The following HYCC2 variants were observed in gnomAD, a reference collection of about 807,000 sequenced individuals.
HYCC2 encodes hyccin 2.
the HYCC2 span, among the ~76,000 whole-genome samples, chr2:201,060,158 T>TGC: frequency 6.6e-6 from 1 of 152,028 alleles, no homozygotes; most frequent in Non-Finnish European, 1.5e-5. Context: ...TAGTACATAG[T>TGC]TAGCACTTAA....
chr2:201,002,529 C>CT, the HYCC2 span, among the ~76,000 whole-genome samples: 1,223 of 142,344 alleles, frequency 8.6e-3, 14 homozygotes, highest in African/African-American at 0.024. Context: ...AGCAGAGATT[C>CT]TTTTTTTTTT....
chr2:200,992,808 G>T, the HYCC2 span: 1 of 884,488 alleles, frequency 1.1e-6, no homozygotes. Context: ...GTATTGTGTC[G>T]GATAAGGAAG....
At chr2:200,992,879 C>G in the HYCC2 span, 1 of 1,492,502 alleles carries the variant, frequency 6.7e-7, no homozygotes, top group South Asian at 1.2e-5. Flanking sequence ...TATATTCCAC[C>G]TACTTACATG....
the HYCC2 span, among the ~76,000 whole-genome samples, chr2:201,055,368 G>A: frequency 6.8e-6 from 1 of 146,846 alleles, no homozygotes; most frequent in East Asian, 2.0e-4. Context: ...GGCAACAAGA[G>A]CGAAATTCCA....
the HYCC2 span, among the ~76,000 whole-genome samples, chr2:200,983,839 T>A: frequency 6.6e-6 from 1 of 152,132 alleles, no homozygotes; most frequent in Non-Finnish European, 1.5e-5. Context: ...TAGTGCTAGC[T>A]TCTGAATCTT....
At chr2:201,042,671 C>T in the HYCC2 span, among the ~76,000 whole-genome samples, 2 of 150,900 alleles carry the variant, frequency 1.3e-5, no homozygotes, top group South Asian at 2.1e-4. Flanking sequence ...GGAGCGTCTC[C>T]GCCCGGCAGC....
the HYCC2 span, among the ~76,000 whole-genome samples, chr2:201,003,214 C>T: frequency 6.6e-6 from 1 of 152,174 alleles, no homozygotes; most frequent in African/African-American, 2.4e-5. Flanking sequence ...AGGCATGTAT[C>T]ACCACACTCA....
chr2:200,993,143 G>A, the HYCC2 span: 1 of 602,844 alleles, frequency 1.7e-6, no homozygotes, highest in Non-Finnish European at 2.9e-6. Context: ...ATCGTTCTGG[G>A]CCTAGGCATA....
At chr2:201,015,751 A>G in the HYCC2 span, among the ~76,000 whole-genome samples, 1 of 152,134 alleles carries the variant, frequency 6.6e-6, no homozygotes, top group Non-Finnish European at 1.5e-5. Context: ...TTGCATATAT[A>G]CTCTGTGCTT....
chr2:201,014,859 A>G, the HYCC2 span, among the ~76,000 whole-genome samples: 1 of 152,218 alleles, frequency 6.6e-6, no homozygotes, highest in East Asian at 1.9e-4. Context: ...AGAAATTTCA[A>G]TACCAATGGT....
chr2:201,063,003 TC>T, the HYCC2 span: 1 of 1,468,436 alleles, frequency 6.8e-7, no homozygotes, highest in Non-Finnish European at 9.4e-7. Context: ...TTATTATGCA[TC>T]AAGTACTATA....
chr2:201,055,824 G>A, the HYCC2 span, among the ~76,000 whole-genome samples: 52 of 152,272 alleles, frequency 3.4e-4, no homozygotes, highest in East Asian at 9.6e-3. Flanking sequence ...TACTCGGGTG[G>A]CTGATGTGGG....
the HYCC2 span, chr2:200,987,477 T>C: frequency 2.3e-6 from 3 of 1,289,714 alleles, no homozygotes; most frequent in African/African-American, 1.5e-5. Context: ...TGGAGCCGTG[T>C]TGGATCGGGG....
chr2:201,049,512 G>T, the HYCC2 span, among the ~76,000 whole-genome samples: 1 of 142,904 alleles, frequency 7.0e-6, no homozygotes, highest in Non-Finnish European at 1.5e-5. Context: ...CACCACCCCG[G>T]TTTTTTTTTT....
At chr2:201,060,913 T>C in the HYCC2 span, among the ~76,000 whole-genome samples, 4 of 152,194 alleles carry the variant, frequency 2.6e-5, 1 homozygote, top group East Asian at 1.9e-4. Flanking sequence ...GATGGATGTT[T>C]AGAGTACTTT....
the HYCC2 span, among the ~76,000 whole-genome samples, chr2:201,051,875 G>A: frequency 6.6e-6 from 1 of 152,206 alleles, no homozygotes; most frequent in African/African-American, 2.4e-5. Flanking sequence ...CAAGACCATA[G>A]AGAACACCCC....
At chr2:201,010,147 T>C in the HYCC2 span, among the ~76,000 whole-genome samples, 1 of 151,892 alleles carries the variant, frequency 6.6e-6, no homozygotes, top group Non-Finnish European at 1.5e-5. Context: ...CCATCCATTC[T>C]TTAATACTTT....
At chr2:201,018,590 T>A in the HYCC2 span, among the ~76,000 whole-genome samples, 1 of 152,206 alleles carries the variant, frequency 6.6e-6, no homozygotes, top group Non-Finnish European at 1.5e-5. Context: ...TTCTAAAGCT[T>A]AAAAAATTTA....
the HYCC2 span, among the ~76,000 whole-genome samples, chr2:200,990,763 G>C: frequency 6.6e-6 from 1 of 152,026 alleles, no homozygotes; most frequent in Admixed American, 6.5e-5. Flanking sequence ...AGTAGAGATG[G>C]GGTTTCACCA....
Sources: gnomAD v4.1 joint callset for allele counts (sites outside exome capture counted in the v4.1 genomes callset) on GRCh38, gnomAD v4.1.1 for gene constraint, MANE v1.5 for transcripts, NCBI Gene and HGNC (gene_info 2026-07-23, HGNC 2026-07-21) for gene names.